Variants in CC2D2B observed in about 807,000 individuals in gnomAD.
CC2D2B encodes protein CC2D2B.
In CC2D2B, 128 loss-of-function variants were observed where a neutral mutation model predicts 161.2. The observed-to-expected ratio is 0.79, with a 90% CI of 0.69 to 0.92. The LOEUF is 0.92. Among genes scored for constraint, CC2D2B ranks in the 40% least tolerant of loss-of-function variants. The pLI, the probability that CC2D2B is intolerant of heterozygous loss-of-function variation, is 0.00. For missense variants in CC2D2B, 1,173 were observed against 1,375.1 expected, an observed-to-expected ratio of 0.85 and a Z score of 2.32; for synonymous variants, 391 against 449.8, an observed-to-expected ratio of 0.87 and a Z score of 1.65.
chr10:95,910,633 C>T (rs1193957752), intron 1 of CC2D2B, among the ~76,000 whole-genome samples: 4 of 152,216 alleles, frequency 2.6e-5, no homozygotes, highest in Non-Finnish European at 5.9e-5. Context: ...CACATTTCAA[C>T]ATGAGATTTG....
intron 23 of CC2D2B, 31 bp downstream of exon 23, chr10:95,995,396 T>C (rs2078191904): frequency 9.4e-7 from 1 of 1,064,098 alleles, no homozygotes; most frequent in Admixed American, 2.7e-5. Flanking sequence ...TAAAGTATAA[T>C]ATTGATTATG....
At chr10:95,962,768 T>G (rs1210881969) in intron 12 of CC2D2B, among the ~76,000 whole-genome samples, 15 of 151,448 alleles carry the variant, frequency 9.9e-5, no homozygotes, top group Non-Finnish European at 2.2e-4. Context: ...CAGTAGTTTT[T>G]TTTTTTTTTT....
intron 18 of CC2D2B, among the ~76,000 whole-genome samples, chr10:95,982,708 A>T (rs529917898): frequency 6.6e-6 from 1 of 152,270 alleles, no homozygotes; most frequent in Admixed American, 6.5e-5. Context: ...TCTTTTAAAA[A>T]ATCAACTCTT....
At chr10:95,979,329 G>T (rs952351412) in intron 17 of CC2D2B, among the ~76,000 whole-genome samples, 7 of 152,106 alleles carry the variant, frequency 4.6e-5, no homozygotes, top group Non-Finnish European at 1.0e-4. Context: ...GGTTGCTACT[G>T]GAGTCATCAC....
intron 11 of CC2D2B, 121 bp from the exon 12 acceptor site, chr10:95,961,708 G>A: frequency 9.0e-6 from 4 of 443,848 alleles, no homozygotes; most frequent in South Asian, 2.5e-4. Context: ...TGTATAAAAT[G>A]AAAAGAATAA....
intron 2 of CC2D2B, among the ~76,000 whole-genome samples, chr10:95,918,203 A>C (rs1301601355): frequency 1.3e-5 from 2 of 152,236 alleles, no homozygotes; most frequent in Admixed American, 6.5e-5. Context: ...ACCTAATTAC[A>C]AGAGAGTTTT....
chr10:96,030,459 G>T (rs1030183225), intron 34 of CC2D2B, among the ~76,000 whole-genome samples: 2 of 152,060 alleles, frequency 1.3e-5, no homozygotes, highest in East Asian at 3.9e-4. Context: ...TAGACTAGAG[G>T]GTGTCTGCTA....
intron 17 of CC2D2B, among the ~76,000 whole-genome samples, chr10:95,977,201 C>A (rs2077350606): frequency 6.6e-6 from 1 of 152,108 alleles, no homozygotes; most frequent in South Asian, 2.1e-4. Context: ...GGAGTGGAAC[C>A]CCATCTCTAC....
intron 6 of CC2D2B, among the ~76,000 whole-genome samples, chr10:95,934,865 G>GTTTGTTTTGT (rs59255321): frequency 0.034 from 5,097 of 150,828 alleles, 212 homozygotes; most frequent in East Asian, 0.091. Flanking sequence ...TTTTTTGTTT[G>GTTTGTTTTGT]TTTGTTTTGT....
chr10:96,032,135 C>G lies in CC2D2B; in HGVS notation c.*127C>G. 1.5e-6 allele frequency: 1 copy of G among 683,956 alleles called. No individual in the cohort carries two copies. Among genetic ancestry groups the G allele is most frequent in the Non-Finnish European group, 2.4e-6 (1 of 409,784 alleles). 42.4% of individuals were successfully genotyped at this position (683,956 alleles called of 1,614,324 possible). ...TAAGTGCTGGGCCCAATTTTTGATTCACTTACAGAGCTGGGCACTATGGAG... is the reference window on the plus strand; with the variant it reads ...TAAGTGCTGGGCCCAATTTTTGATTGACTTACAGAGCTGGGCACTATGGAG... On this transcript the variant is annotated 3_prime_UTR_variant, in exon 35 of 35. Transcript: ENST00000646931.
chr10:95,951,533 G>A (rs1339989738), intron 10 of CC2D2B, among the ~76,000 whole-genome samples: 1 of 152,138 alleles, frequency 6.6e-6, no homozygotes, highest in Non-Finnish European at 1.5e-5. Flanking sequence ...AATATCAGAA[G>A]ATTTCCTAAA....
At chr10:95,985,751 A>G (rs1412895140) in intron 19 of CC2D2B, among the ~76,000 whole-genome samples, 1 of 152,168 alleles carries the variant, frequency 6.6e-6, no homozygotes, top group Non-Finnish European at 1.5e-5. Context: ...TTCTGTCAAA[A>G]GCAAATAGGA....
At position 95,972,154 on chromosome 10, in the gene CC2D2B, T is replaced by C. The variant is rs752862722; in HGVS notation, c.1733T>C (p.Leu578Ser). 9.7e-6 allele frequency: 12 copies of C among 1,231,970 alleles called. No individual in the cohort carries two copies. Among genetic ancestry groups the C allele is most frequent in the Non-Finnish European group, 1.2e-5 (12 of 987,822 alleles). 76.3% of individuals were successfully genotyped at this position (1,231,970 alleles called of 1,614,324 possible). ...ACAGAGCTGAAAGGCAAAACCGCTT[T>C]GCAATATGTAGAGTTTAGCTCTGAT... ...NYTELKGKTA[L>S]QYVEFSSDKL... The change falls in exon 16 of 35, where the codon TTG becomes TCG. Residue 578 changes from leucine (L) to serine (S), a missense_variant. Physicochemically the swap from Leu to Ser is moderately radical, Grantham distance 145. This residue lies in a region of CC2D2B where 277 missense variants were observed against 420.6 expected (regional missense o/e 0.66). Transcript: ENST00000646931.
At chr10:96,031,617 C>T (rs1283606378) in intron 34 of CC2D2B, among the ~76,000 whole-genome samples, 1 of 152,172 alleles carries the variant, frequency 6.6e-6, no homozygotes, top group Non-Finnish European at 1.5e-5. Flanking sequence ...TATAGTAATA[C>T]CTACCTCATA....
intron 10 of CC2D2B, among the ~76,000 whole-genome samples, chr10:95,954,223 G>A (rs576663411): frequency 3.0e-4 from 46 of 152,040 alleles, no homozygotes; most frequent in Admixed American, 9.2e-4. Flanking sequence ...GGATTTGTGA[G>A]TATATATGTG....
At chr10:95,963,237 A>G (rs1167405801) in intron 12 of CC2D2B, among the ~76,000 whole-genome samples, 2 of 152,146 alleles carry the variant, frequency 1.3e-5, no homozygotes, top group African/African-American at 4.8e-5. Flanking sequence ...TGGAGAAGCT[A>G]TCTGTTTGAA....
chr10:96,025,794 C>T (rs528315196), intron 33 of CC2D2B, among the ~76,000 whole-genome samples: 1 of 152,292 alleles, frequency 6.6e-6, no homozygotes, highest in South Asian at 2.1e-4. Context: ...CTGACTGCCT[C>T]CAGTGGCTCA....
intron 33 of CC2D2B, 80 bp from the exon 34 acceptor site, chr10:96,027,132 A>T (rs2079818236): frequency 1.7e-6 from 2 of 1,149,004 alleles, no homozygotes; most frequent in Non-Finnish European, 2.4e-6. Flanking sequence ...TCAAAAAAAA[A>T]AAAAAGTCAC....
chr10:95,928,045 A>C (rs1373125764), intron 6 of CC2D2B, among the ~76,000 whole-genome samples: 3 of 152,014 alleles, frequency 2.0e-5, no homozygotes, highest in Admixed American at 6.6e-5. Flanking sequence ...TCTTATTCTC[A>C]GTAGTTCTAC....
Sources: gnomAD v4.1 joint callset for allele counts (sites outside exome capture counted in the v4.1 genomes callset) on GRCh38, gnomAD v4.1.1 for gene constraint, gnomAD v4.1.1 regional missense constraint, MANE v1.5 for transcripts, NCBI Gene and HGNC (gene_info 2026-07-23, HGNC 2026-07-21) for gene names.